ZNF329: variants seen among roughly 807,000 people sequenced by gnomAD.
ZNF329 encodes zinc finger protein 329.
ZNF329 carries 15 observed loss-of-function variants against 26.6 expected under a neutral mutation model. The observed-to-expected ratio is 0.56, with a 90% CI of 0.38 to 0.87. The LOEUF (loss-of-function observed/expected upper bound fraction) is 0.87. Ranked by LOEUF, ZNF329 falls within the 40% of genes least tolerant of loss-of-function variation. ZNF329 has a pLI of 0.00. For missense variants in ZNF329, 651 were observed against 651.9 expected, an observed-to-expected ratio of 1.00 and a Z score of 0.02; for synonymous variants, 239 against 233.5, an observed-to-expected ratio of 1.02 and a Z score of -0.21.
chr19:58,150,400 C>A (rs2075423529), intron 1 of ZNF329, among the ~76,000 whole-genome samples: 1 of 152,230 alleles, frequency 6.6e-6, no homozygotes, highest in South Asian at 2.1e-4. Context: ...CGGACCAGGA[C>A]ACCCAGCAGG....
chr19:58,128,186 C>T lies in ZNF329; in HGVS notation c.1318G>A (p.Ala440Thr), dbSNP rs374855754. The stretch of plus-strand genomic sequence containing the variant: ...GTCCTCTGGTGCCTAATGAGGCCAG[C>T]GATATTCCTGAAAAGTTTCTGACAC... Reference protein sequence around the residue: ...NQCQKLFRNIAGLIRHQRTHT... With the variant: ...NQCQKLFRNITGLIRHQRTHT... The change falls in exon 4 of 4, where the codon GCT becomes ACT. Residue 440 changes from alanine (A) to threonine (T), a missense_variant. Transcript: ENST00000598312. 4.4e-6 allele frequency: 7 copies of T among 1,585,876 alleles called. No homozygotes were observed. Among genetic ancestry groups the T allele is most frequent in the Non-Finnish European group, 6.0e-6 (7 of 1,167,208 alleles).
At chr19:58,137,487 G>A (rs992588143) in intron 3 of ZNF329, among the ~76,000 whole-genome samples, 6 of 152,054 alleles carry the variant, frequency 3.9e-5, no homozygotes, top group African/African-American at 1.4e-4. Context: ...CCAGGAAGCG[G>A]AGGTTGCAGT....
At chr19:58,152,967 CAAG>C (rs2075484661), upstream of ZNF329, among the ~76,000 whole-genome samples, 1 of 151,870 alleles carries the variant, frequency 6.6e-6, no homozygotes, top group Admixed American at 6.6e-5. Flanking sequence ...GAAGAGTATG[CAAG>C]AAGAGATGAG....
rs776198620 is a variant in ZNF329, at chr19:58,127,978, C to T, written c.1526G>A (p.Gly509Asp). Residue 509 changes from glycine to aspartate, a missense_variant, in exon 4 of 4, where the codon GGT (glycine) becomes GAT (aspartate). By Grantham distance (94) the Gly-to-Asp change is moderately conservative (BLOSUM62 -1). Coordinates refer to ENST00000598312, the MANE Select transcript of ZNF329 (RefSeq NM_024620.4). ...AVHQRLHSRE[G>D]PSRCPQCGKM... ...TCCACACTGAGGACACCGGCTGGGA[C>T]CCTCCCTGCTATGGAGTCTCTGATG... 2 of 1,613,920 alleles carry T rather than the reference C, an allele frequency of 1.2e-6. No individual in the cohort carries two copies. Among genetic ancestry groups the T allele is most frequent in the African/African-American group, 1.3e-5 (1 of 74,900 alleles).
rs142706373 is a variant in ZNF329 at position 58,134,871 on chromosome 19, G to A, written c.-8-5360C>T. On this transcript the variant is annotated intron_variant, in intron 3 of 3. Transcript: ENST00000598312. The stretch of plus-strand genomic sequence containing the variant: ...GAATTGCTTGAATCTGGGAGACAGA[G>A]GTTGCAGTGAGCCAAGATTGACCCA... 6.5e-3 allele frequency among the ~76,000 whole-genome samples: 996 copies of A among 152,222 alleles called. 6 individuals are homozygous for A. Among genetic ancestry groups the A allele is most frequent in the Middle Eastern group, 0.031 (9 of 294 alleles).
At chr19:58,153,140 C>T (rs961955708), upstream of ZNF329, among the ~76,000 whole-genome samples, 3 of 152,072 alleles carry the variant, frequency 2.0e-5, no homozygotes, top group African/African-American at 7.2e-5. Flanking sequence ...GACTGAGTCT[C>T]ACTCTGTCCC....
In ZNF329 at chr19:58,145,313, CCTT is replaced by C. The variant is rs1391506961; in HGVS notation, c.-207-2118_-207-2116del. ...AGCCAAAAAAAATTTCTTTTTTCTT[CCTT>C]TTTTTTTTTTTTTTTTTTTTTTGGA... On this transcript the variant is annotated intron_variant, in intron 1 of 3. Transcript: ENST00000598312. Among the ~76,000 whole-genome samples, 517 of 136,294 alleles carry C rather than the reference CCTT, an allele frequency of 3.8e-3. 4 individuals carry two copies. The highest frequency in any genetic ancestry group is 0.012 in the African/African-American group (444 of 36,182). 89.4% of individuals were successfully genotyped at this position (136,294 alleles called of 152,430 possible).
chr19:58,147,163 G>A (rs1477670081), intron 1 of ZNF329, among the ~76,000 whole-genome samples: 13 of 145,524 alleles, frequency 8.9e-5, no homozygotes, highest in African/African-American at 2.6e-4. Context: ...CTGCCCCGCC[G>A]CCCCATCTGG....
chr19:58,143,978 G>A (rs1455298177), intron 1 of ZNF329, among the ~76,000 whole-genome samples: 1 of 151,784 alleles, frequency 6.6e-6, no homozygotes, highest in Admixed American at 6.6e-5. Flanking sequence ...CTACTCGGGA[G>A]GCTGAGGGAG....
Position 58,127,061 on chromosome 19 carries a change from T to A in ZNF329, c.*817A>T, listed in dbSNP as rs1016287933. On this transcript the variant is annotated 3_prime_UTR_variant, in exon 4 of 4. Coordinates refer to ENST00000598312, the MANE Select transcript of ZNF329 (RefSeq NM_024620.4). Reference sequence around the variant, plus strand: ...CCTCAGCATTATTGCAGGAGTATAATGCAGACATACATTCAAACAGGAAAA... The same window carrying A: ...CCTCAGCATTATTGCAGGAGTATAAAGCAGACATACATTCAAACAGGAAAA... The A allele has an allele frequency of 6.6e-6, 1 of 152,224 alleles. No homozygotes were observed. Among genetic ancestry groups the A allele is most frequent in the Non-Finnish European group, 1.5e-5 (1 of 68,048 alleles). 9.4% of individuals were successfully genotyped at this position (152,224 alleles called of 1,614,324 possible).
chr19:58,145,455 T>C (rs2075287867), intron 1 of ZNF329, among the ~76,000 whole-genome samples: 1 of 151,674 alleles, frequency 6.6e-6, no homozygotes, highest in African/African-American at 2.4e-5. Flanking sequence ...CTGAGTAGCT[T>C]GGATTACATG....
chr19:58,151,942 A>G (rs1027669481), upstream of ZNF329, among the ~76,000 whole-genome samples: 2 of 152,192 alleles, frequency 1.3e-5, no homozygotes, highest in Non-Finnish European at 2.9e-5. Context: ...TCGATGATAC[A>G]TGGGTGTCAT....
intron 1 of ZNF329, among the ~76,000 whole-genome samples, chr19:58,144,732 T>C (rs2075268671): frequency 1.3e-5 from 2 of 149,922 alleles, no homozygotes; most frequent in South Asian, 2.1e-4. Context: ...GACAGAGTCT[T>C]GCTTTGATGC....
intron 1 of ZNF329, among the ~76,000 whole-genome samples, chr19:58,149,416 C>T (rs777789887): frequency 1.8e-4 from 28 of 152,110 alleles, no homozygotes; most frequent in Non-Finnish European, 3.1e-4. Flanking sequence ...GGTTATAGCT[C>T]GGGACCCCCT....
At chr19:58,135,847 G>A (rs2431835) in intron 3 of ZNF329, among the ~76,000 whole-genome samples, 54,996 of 151,656 alleles carry the variant, frequency 0.36, 10,359 homozygotes, top group Non-Finnish European at 0.43. Flanking sequence ...ATAAAACAGC[G>A]AGTAAAGCAA....
intron 3 of ZNF329, among the ~76,000 whole-genome samples, chr19:58,137,820 A>C (rs1441902891): frequency 4.0e-4 from 60 of 149,448 alleles, no homozygotes; most frequent in African/African-American, 1.3e-3. Flanking sequence ...AAAAAAAAAA[A>C]AAAAAAAAAA....
At chr19:58,143,244 A>T (rs2075226725) in intron 1 of ZNF329, 46 bp from the exon 2 acceptor site, 1 of 152,150 alleles carries the variant, frequency 6.6e-6, no homozygotes, top group Non-Finnish European at 1.5e-5. Context: ...ATTATATAGT[A>T]TCTTTGTGGT....
At chr19:58,144,513 G>A (rs34947459) in intron 1 of ZNF329, among the ~76,000 whole-genome samples, 22,813 of 151,392 alleles carry the variant, frequency 0.15, 1,710 homozygotes, top group Admixed American at 0.19. Flanking sequence ...TCAGCCTCCC[G>A]AGTAGTTGGG....
At chr19:58,134,821 G>GC (rs1230096686) in intron 3 of ZNF329, among the ~76,000 whole-genome samples, 2 of 152,112 alleles carry the variant, frequency 1.3e-5, no homozygotes, top group African/African-American at 4.8e-5. Context: ...TGTAATCCCA[G>GC]CTACTCCAGG....
Sources: gnomAD v4.1 joint callset for allele counts (sites outside exome capture counted in the v4.1 genomes callset) on GRCh38, gnomAD v4.1.1 for gene constraint, MANE v1.5 for transcripts, NCBI Gene and HGNC (gene_info 2026-07-23, HGNC 2026-07-21) for gene names.